TBC1D5: variants seen among roughly 807,000 people sequenced by gnomAD.
TBC1D5 encodes TBC1 domain family member 5, also known as TBC1 domain family, member 5.
A neutral mutation model predicts 100.3 loss-of-function variants in TBC1D5; 75 were observed. That is an observed-to-expected ratio of 0.75 (90% CI 0.62 to 0.91). The LOEUF (loss-of-function observed/expected upper bound fraction) is 0.91, where lower values mean the gene tolerates loss of function less well. Ranked by LOEUF, TBC1D5 falls within the 40% of genes least tolerant of loss-of-function variation. The probability of loss-of-function intolerance (pLI) is 0.00; values close to 1 mark genes in which losing one functional copy is unlikely to be tolerated. For missense variants in TBC1D5, 910 were observed against 942.4 expected (o/e 0.97, Z 0.45); for synonymous variants, 323 against 325.6 (o/e 0.99, Z 0.09).
At chr3:17,591,233 CAAAAAAAAAAAAAAAAAAAAAAAAAA>C (rs60889092) in intron 2 of TBC1D5, among the ~76,000 whole-genome samples, 1 of 18,640 alleles carries the variant, frequency 5.4e-5, no homozygotes, top group East Asian at 2.0e-3. Context: ...AAGGATCTGT[CAAAAAAAAAAAAAAAAAAAAAAAAAA>C]AAAAAAACAA....
chr3:17,384,350 G>A (rs1482667984), intron 8 of TBC1D5, among the ~76,000 whole-genome samples: 1 of 151,870 alleles, frequency 6.6e-6, no homozygotes, highest in African/African-American at 2.4e-5. Flanking sequence ...CTGGTTTTTA[G>A]GATAAGAATG....
At chr3:17,441,680 A>T (rs193153242) in intron 3 of TBC1D5, among the ~76,000 whole-genome samples, 12 of 152,342 alleles carry the variant, frequency 7.9e-5, no homozygotes, top group Admixed American at 7.2e-4. Flanking sequence ...AAAGTTATAA[A>T]ATCACAAAAT....
At chr3:17,526,604 C>T (rs1045466117) in intron 2 of TBC1D5, among the ~76,000 whole-genome samples, 2 of 152,140 alleles carry the variant, frequency 1.3e-5, no homozygotes, top group Non-Finnish European at 2.9e-5. Flanking sequence ...TCTCAGTTTC[C>T]TCACACGTAA....
At chr3:17,191,791 T>A (rs111882695) in intron 18 of TBC1D5, among the ~76,000 whole-genome samples, 128 of 151,788 alleles carry the variant, frequency 8.4e-4, no homozygotes, top group Middle Eastern at 3.4e-3. Context: ...TTTTTTTTTT[T>A]AAATATATTT....
intron 15 of TBC1D5, among the ~76,000 whole-genome samples, chr3:17,268,442 C>A (rs1470667): frequency 0.5 from 75,946 of 151,646 alleles, 20,504 homozygotes; most frequent in African/African-American, 0.68. Context: ...TAAAGTATAT[C>A]GGGTAATAAA....
chr3:17,434,363 C>A (rs1261131601), intron 3 of TBC1D5, among the ~76,000 whole-genome samples: 3 of 152,184 alleles, frequency 2.0e-5, no homozygotes, highest in Non-Finnish European at 4.4e-5. Flanking sequence ...TCCCAAACAT[C>A]AATTCTTGTC....
Position 17,457,904 on chromosome 3 carries a change from C to T in TBC1D5, c.98-29385G>A, listed in dbSNP as rs370975882. 4.4e-4 allele frequency among the ~76,000 whole-genome samples: 67 copies of T among 152,210 alleles called. 1 individual carries two copies. In the East Asian group the frequency reaches 8.1e-3, roughly 18 times the overall value. Reference sequence around the variant, plus strand: ...CTAGGTTTGAAGTTTGTTACTTCTACGCTACACTCAGTGCTCTACAGGCTA... The same window carrying T: ...CTAGGTTTGAAGTTTGTTACTTCTATGCTACACTCAGTGCTCTACAGGCTA... On this transcript the variant is annotated intron_variant, in intron 3 of 21. Coordinates refer to ENST00000253692, the Ensembl canonical transcript of TBC1D5.
At chr3:17,300,190 T>A (rs1316724978) in intron 14 of TBC1D5, among the ~76,000 whole-genome samples, 1 of 152,128 alleles carries the variant, frequency 6.6e-6, no homozygotes. Flanking sequence ...TCTGATATAA[T>A]CATAAAAACA....
chr3:17,393,589 G>A (rs2093419872), intron 8 of TBC1D5, among the ~76,000 whole-genome samples: 1 of 152,140 alleles, frequency 6.6e-6, no homozygotes, highest in Non-Finnish European at 1.5e-5. Context: ...CAAGGCTACA[G>A]TAACCAAAAC....
intron 2 of TBC1D5, among the ~76,000 whole-genome samples, chr3:17,574,013 C>A (rs377406287): frequency 6.6e-6 from 1 of 151,810 alleles, no homozygotes; most frequent in Admixed American, 6.6e-5. Context: ...GAAAAGAGAG[C>A]CCTTTAGTAT....
At position 17,267,533 on chromosome 3, in the gene TBC1D5, G is replaced by A. The variant is rs568939630; in HGVS notation, c.1246-8942C>T. Among the ~76,000 whole-genome samples, 479 of 152,214 alleles carry A rather than the reference G, an allele frequency of 3.1e-3. 8 individuals carry two copies. The highest frequency in any genetic ancestry group is 3.1e-3 in the Admixed American group (47 of 15,294). On this transcript the variant is annotated intron_variant, in intron 15 of 21. Transcript: ENST00000253692. ...AATATTCCTAAAGATTCCAATTTGG[G>A]AAACAGAGGTAAAGTCTGATATAAA... is the stretch of plus-strand genomic sequence containing the variant.
Position 17,382,616 on chromosome 3 carries a change from AG to A in TBC1D5, c.612+1296del, listed in dbSNP as rs1298891117. ...CACTCTTTCGCTCAGGCTAGAGTGC[AG>A]TGAATCAATCACAGCTCACTGCAGC... On this transcript the variant is annotated intron_variant, in intron 9 of 21. Transcript: ENST00000253692. 6.6e-5 allele frequency among the ~76,000 whole-genome samples: 10 copies of A among 150,784 alleles called. No individual in the cohort carries two copies. In the East Asian group the frequency reaches 2.0e-3, roughly 29 times the overall value.
chr3:17,546,948 G>T (rs2096422620), intron 2 of TBC1D5: 1 of 151,992 alleles, frequency 6.6e-6, no homozygotes, highest in African/African-American at 2.4e-5. Context: ...CACAATTTTG[G>T]TTAGGTCCCA....
intron 1 of TBC1D5, among the ~76,000 whole-genome samples, chr3:17,647,545 G>C (rs1252185917): frequency 1.3e-5 from 2 of 152,030 alleles, no homozygotes; most frequent in African/African-American, 4.8e-5. Flanking sequence ...GATAACTGAG[G>C]GAAGGGTTTT....
intron 2 of TBC1D5, among the ~76,000 whole-genome samples, chr3:17,579,561 T>C (rs1164163755): frequency 1.3e-5 from 2 of 152,116 alleles, no homozygotes; most frequent in African/African-American, 4.8e-5. Flanking sequence ...ACAAATTTTG[T>C]ATTTCCTACA....
chr3:17,737,738 G>A (rs561746552), intron 1 of TBC1D5, among the ~76,000 whole-genome samples: 5 of 151,030 alleles, frequency 3.3e-5, no homozygotes, highest in African/African-American at 4.9e-5. Flanking sequence ...AAAAGTAAAG[G>A]TAAACACTCT....
chr3:17,679,403 T>C (rs893948310), intron 1 of TBC1D5, among the ~76,000 whole-genome samples: 3 of 151,506 alleles, frequency 2.0e-5, no homozygotes, highest in African/African-American at 7.4e-5. Flanking sequence ...TTTTAACGCA[T>C]TTATTATTAT....
At chr3:17,369,456 T>C (rs563539952) in intron 13 of TBC1D5, among the ~76,000 whole-genome samples, 1 of 152,330 alleles carries the variant, frequency 6.6e-6, no homozygotes, top group Non-Finnish European at 1.5e-5. Context: ...ACCATTATTT[T>C]TAATTTCCAT....
intron 18 of TBC1D5, among the ~76,000 whole-genome samples, chr3:17,191,143 G>A (rs2596655): frequency 0.43 from 66,044 of 151,966 alleles, 15,280 homozygotes; most frequent in African/African-American, 0.54. Context: ...GTGAAGCTGT[G>A]CAGCCATACT....
Sources: gnomAD v4.1 joint callset for allele counts (sites outside exome capture counted in the v4.1 genomes callset) on GRCh38, gnomAD v4.1.1 for gene constraint, MANE v1.5 for transcripts, NCBI Gene and HGNC (gene_info 2026-07-23, HGNC 2026-07-21) for gene names.